The following PELI2 variants were observed in gnomAD, a reference collection of about 807,000 sequenced individuals.
PELI2 encodes E3 ubiquitin-protein ligase pellino homolog 2.
In PELI2, 23 loss-of-function variants were observed where a neutral mutation model predicts 42.3. That is an observed-to-expected ratio of 0.54 (90% CI 0.39 to 0.77). The LOEUF (loss-of-function observed/expected upper bound fraction) is 0.77, where lower values mean the gene tolerates loss of function less well. PELI2 is among the 30% of genes least tolerant of loss of function. The pLI is 0.00. For missense variants in PELI2, 463 were observed against 553.2 expected (o/e 0.84, Z 1.64); for synonymous variants, 245 against 212.2 (o/e 1.15, Z -1.34).
intron 2 of PELI2, among the ~76,000 whole-genome samples, chr14:56,266,528 T>C (rs1888912198): frequency 6.6e-6 from 1 of 152,088 alleles, no homozygotes. Context: ...TTAAAAGCAC[T>C]ATGAGATTAC....
intron 2 of PELI2, among the ~76,000 whole-genome samples, chr14:56,268,823 G>T (rs895721535): frequency 6.6e-6 from 1 of 152,064 alleles, no homozygotes; most frequent in Non-Finnish European, 1.5e-5. Context: ...TCAGAGCATT[G>T]CCTCACACTG....
chr14:56,131,850 C>G (rs1163260096), intron 1 of PELI2, among the ~76,000 whole-genome samples: 1 of 152,134 alleles, frequency 6.6e-6, no homozygotes, highest in Admixed American at 6.5e-5. Flanking sequence ...ATAAAAACTA[C>G]CACACTCCAG....
chr14:56,164,558 A>G (rs1469914553), intron 1 of PELI2, among the ~76,000 whole-genome samples: 28 of 152,140 alleles, frequency 1.8e-4, no homozygotes, highest in Admixed American at 1.6e-3. Flanking sequence ...GCCTCATAGA[A>G]TAAGTTTGGA....
chr14:56,203,915 T>G (rs890574712), intron 2 of PELI2, among the ~76,000 whole-genome samples: 2 of 151,724 alleles, frequency 1.3e-5, no homozygotes, highest in Admixed American at 1.3e-4. Flanking sequence ...AAAGGGTGAG[T>G]GGATAGAAGG....
At chr14:56,191,471 G>C (rs942966570) in intron 2 of PELI2, among the ~76,000 whole-genome samples, 1 of 152,238 alleles carries the variant, frequency 6.6e-6, no homozygotes, top group Non-Finnish European at 1.5e-5. Context: ...GTGATACCGG[G>C]TGGAGTCCAG....
intron 2 of PELI2, among the ~76,000 whole-genome samples, chr14:56,236,275 A>G (rs1015746662): frequency 2.6e-5 from 4 of 152,226 alleles, no homozygotes; most frequent in African/African-American, 7.2e-5. Flanking sequence ...TATTCTAGCT[A>G]CGGCTCTTTG....
chr14:56,262,357 TA>T lies in PELI2; in HGVS notation c.208-17318del, dbSNP rs200291475. On this transcript the variant is annotated intron_variant, in intron 2 of 5. Transcript: ENST00000267460. ...TAGTCATATTGACTTAATAATGAAT[TA>T]GATCTGAATCCCCAGTGTATTCAAT... is the stretch of plus-strand genomic sequence containing the variant. Among the ~76,000 whole-genome samples the T allele has an allele frequency of 2.5e-4, 38 of 152,328 alleles. No individual in the cohort carries two copies. In the East Asian group the frequency reaches 6.2e-3, roughly 25 times the overall value.
At chr14:56,267,838 A>G (rs938592331) in intron 2 of PELI2, among the ~76,000 whole-genome samples, 4 of 152,160 alleles carry the variant, frequency 2.6e-5, no homozygotes, top group Non-Finnish European at 4.4e-5. Context: ...TAACTAATCA[A>G]TAGGATGTTG....
chr14:56,176,246 C>G (rs907434007), intron 1 of PELI2, among the ~76,000 whole-genome samples: 1 of 152,156 alleles, frequency 6.6e-6, no homozygotes, highest in African/African-American at 2.4e-5. Flanking sequence ...TGCACTCTTA[C>G]GAGGCTGAGG....
At chr14:56,257,196 G>C (rs1888555847) in intron 2 of PELI2, among the ~76,000 whole-genome samples, 2 of 152,126 alleles carry the variant, frequency 1.3e-5, no homozygotes. Context: ...AATTGTGTAT[G>C]TATGTGCTAG....
intron 1 of PELI2, among the ~76,000 whole-genome samples, chr14:56,166,596 G>C (rs1025537769): frequency 6.6e-6 from 1 of 152,254 alleles, no homozygotes. Flanking sequence ...GTCTGGGAAA[G>C]TCTTTATTTC....
At chr14:56,290,495 T>C (rs768644660) in intron 5 of PELI2, 39 bp downstream of exon 5, 1 of 1,448,146 alleles carries the variant, frequency 6.9e-7, no homozygotes, top group Non-Finnish European at 9.4e-7. Context: ...AGTACGAAAC[T>C]ACTCAAGCCT....
At chr14:56,255,731 T>G (rs1261152770) in intron 2 of PELI2, among the ~76,000 whole-genome samples, 2 of 152,110 alleles carry the variant, frequency 1.3e-5, no homozygotes, top group East Asian at 3.9e-4. Context: ...GCCCACAGAT[T>G]GGTGTGATCA....
At chr14:56,118,804 G>C (rs1882948227) in intron 1 of PELI2, 67 bp downstream of exon 1, 2 of 1,154,334 alleles carry the variant, frequency 1.7e-6, no homozygotes, top group Admixed American at 5.7e-5. Context: ...CTGGAGCGGG[G>C]CTGGCGGGGT....
intron 2 of PELI2, among the ~76,000 whole-genome samples, chr14:56,275,565 C>A (rs1454855426): frequency 6.6e-6 from 1 of 152,196 alleles, no homozygotes; most frequent in East Asian, 1.9e-4. Flanking sequence ...CAGTCTAGAT[C>A]CCTCACATGC....
In PELI2 at chr14:56,118,708, A is replaced by C. The variant is rs748605799; in HGVS notation, c.48A>C (p.Pro16=). The C allele has an allele frequency of 7.2e-6, 11 of 1,530,590 alleles. No homozygotes were observed. The highest frequency in any genetic ancestry group is 9.7e-6 in the Non-Finnish European group (11 of 1,138,694). The allele number at this position is 1,530,590 out of a possible 1,614,324, so 94.8% of individuals were successfully genotyped here. ...AACACTGCGCCCCCAATAAGGAGCC[A>C]GTGAAATACGGGGAGCTGGTGGTGC... ...QEEHCAPNKE[P]VKYGELVVLG... The change falls in exon 1 of 6, where the codon CCA becomes CCC. Residue 16 remains proline, a synonymous_variant. Transcript: ENST00000267460.
At chr14:56,224,421 A>G (rs1182209950) in intron 2 of PELI2, among the ~76,000 whole-genome samples, 2 of 152,324 alleles carry the variant, frequency 1.3e-5, no homozygotes, top group African/African-American at 2.4e-5. Flanking sequence ...TGGAAAGTCC[A>G]TTGTGATTTG....
intron 2 of PELI2, among the ~76,000 whole-genome samples, chr14:56,204,827 C>A (rs1331590422): frequency 1.3e-5 from 2 of 151,824 alleles, no homozygotes; most frequent in African/African-American, 4.8e-5. Flanking sequence ...GAGGTTAGAT[C>A]GAGACCATCG....
intron 1 of PELI2, among the ~76,000 whole-genome samples, chr14:56,145,917 G>A (rs1194683574): frequency 6.6e-6 from 1 of 152,054 alleles, no homozygotes; most frequent in Admixed American, 6.5e-5. Flanking sequence ...CTGTAACTAG[G>A]AGTAAGCACT....
Sources: gnomAD v4.1 joint callset for allele counts (sites outside exome capture counted in the v4.1 genomes callset) on GRCh38, gnomAD v4.1.1 for gene constraint, MANE v1.5 for transcripts, NCBI Gene and HGNC (gene_info 2026-07-23, HGNC 2026-07-21) for gene names.